DGKE: variants seen among roughly 807,000 people sequenced by gnomAD.
DGKE encodes the protein diacylglycerol kinase epsilon.
Under a neutral mutation model 70.0 loss-of-function variants are expected in DGKE, and 53 were observed. That is an observed-to-expected ratio of 0.76 (90% CI 0.61 to 0.95). The LOEUF (loss-of-function observed/expected upper bound fraction) is 0.95, where lower values mean the gene tolerates loss of function less well. Among genes scored for constraint, DGKE ranks in the 40% least tolerant of loss-of-function variants. DGKE has a pLI of 0.00. For synonymous variants in DGKE, 291 were observed against 257.0 expected (o/e 1.13, Z -1.27); for missense variants, 655 against 706.9 (o/e 0.93, Z 0.83).
At chr17:56,843,781 G>A (rs1256041466) in intron 2 of DGKE, among the ~76,000 whole-genome samples, 1 of 126,464 alleles carries the variant, frequency 7.9e-6, no homozygotes, top group Non-Finnish European at 1.6e-5. Flanking sequence ...CTGGTGGACA[G>A]AGTGAGACCC....
chr17:56,862,788 A>G lies in DGKE; in HGVS notation c.1701A>G (p.Glu567=), dbSNP rs1908373481. The G allele has an allele frequency of 1.9e-6, 3 of 1,556,278 alleles. No individual in the cohort carries two copies. Among genetic ancestry groups the G allele is most frequent in the Non-Finnish European group, 2.6e-6 (3 of 1,159,770 alleles). Residue 567 remains glutamate (E), a synonymous_variant, in exon 12 of 12, where the codon GAA becomes GAG. Transcript: ENST00000284061. ...ATCAAGAAGATATAAAGGCGACTGA[A>G]TAGATGGATGAGGGAGTGAAAACTT... is the stretch of plus-strand genomic sequence containing the variant. ...TSDQEDIKAT[E]
intron 9 of DGKE, 67 bp downstream of exon 9, chr17:56,858,732 A>G: frequency 8.5e-7 from 1 of 1,182,832 alleles, no homozygotes; most frequent in Non-Finnish European, 1.2e-6. Context: ...GACTTTTTAA[A>G]CAGAAATGCT....
At chr17:56,844,258 T>C (rs761692088) in intron 3 of DGKE, 80 bp downstream of exon 3, 2 of 946,996 alleles carry the variant, frequency 2.1e-6, no homozygotes, top group African/African-American at 1.7e-5. Flanking sequence ...TAAGACAGTA[T>C]GTAAGAAGAA....
At chr17:56,845,169 A>C (rs1231212414) in intron 3 of DGKE, among the ~76,000 whole-genome samples, 1 of 152,164 alleles carries the variant, frequency 6.6e-6, no homozygotes, top group Non-Finnish European at 1.5e-5. Flanking sequence ...GAAAAGTATT[A>C]ATTTCATTTG....
At chr17:56,843,262 A>G (rs1907092541) in intron 2 of DGKE, among the ~76,000 whole-genome samples, 1 of 152,234 alleles carries the variant, frequency 6.6e-6, no homozygotes, top group Non-Finnish European at 1.5e-5. Flanking sequence ...ATAGTTACAA[A>G]TGGTTTTTAT....
In DGKE at chr17:56,844,176, G is replaced by T; in HGVS notation, c.622G>T (p.Val208Leu). 1 of 1,501,194 alleles carries T rather than the reference G, an allele frequency of 6.7e-7. No individual in the cohort carries two copies. Among genetic ancestry groups the T allele is most frequent in the Non-Finnish European group, 8.9e-7 (1 of 1,122,004 alleles). 93.0% of individuals were successfully genotyped at this position (1,501,194 alleles called of 1,614,324 possible). A position where few individuals can be genotyped will look rare whatever the true frequency, so the allele number is the denominator to read the frequency against. The change falls in exon 3 of 12, where the codon GTG (valine) becomes TTG (leucine). Residue 208 changes from valine (V) to leucine (L), a missense_variant and splice_region_variant. By Grantham distance (32) the Val-to-Leu change is conservative (BLOSUM62 1). Transcript: ENST00000284061. Reference protein sequence around the residue: ...MRKDKKTDYEVLASKLGKQWT... With the variant: ...MRKDKKTDYELLASKLGKQWT... ...TAAAGACAAAAAAACAGATTATGAA[G>T]TGGTAATTAGAGTTTATTTCTCTAA...
intron 9 of DGKE, among the ~76,000 whole-genome samples, chr17:56,860,427 G>T (rs1304348490): frequency 1.3e-5 from 2 of 152,210 alleles, no homozygotes; most frequent in Non-Finnish European, 2.9e-5. Context: ...TGCTCAGGAG[G>T]CTGAGGGAGG....
At chr17:56,837,647 A>C (rs529828432) in intron 2 of DGKE, among the ~76,000 whole-genome samples, 1 of 152,330 alleles carries the variant, frequency 6.6e-6, no homozygotes, top group African/African-American at 2.4e-5. Flanking sequence ...ATATTTTGGA[A>C]GGAGAAACAA....
chr17:56,843,797 CAAAAAA>C (rs368992473), intron 2 of DGKE, among the ~76,000 whole-genome samples: 1 of 109,394 alleles, frequency 9.1e-6, no homozygotes, highest in Non-Finnish European at 1.8e-5. Context: ...GACCCTGTCT[CAAAAAA>C]AAAAAAAAAA....
At chr17:56,842,073 C>A (rs1483814813) in intron 2 of DGKE, among the ~76,000 whole-genome samples, 1 of 151,846 alleles carries the variant, frequency 6.6e-6, no homozygotes, top group Admixed American at 6.6e-5. Context: ...AATTGATATA[C>A]AAAAAAGTTT....
At chr17:56,856,867 G>A (rs1319955184) in intron 8 of DGKE, among the ~76,000 whole-genome samples, 2 of 152,002 alleles carry the variant, frequency 1.3e-5, no homozygotes, top group African/African-American at 4.8e-5. Context: ...GGGAGGCGGA[G>A]GCAGGTGGAT....
intron 8 of DGKE, among the ~76,000 whole-genome samples, 198 bp downstream of exon 8, chr17:56,856,823 C>CT (rs1907979396): frequency 6.6e-6 from 1 of 151,778 alleles, no homozygotes; most frequent in Non-Finnish European, 1.5e-5. Flanking sequence ...TCAGGCCAGG[C>CT]ACAGTGGCTC....
At chr17:56,845,932 G>T in intron 4 of DGKE, 123 bp downstream of exon 4, 1 of 1,100,030 alleles carries the variant, frequency 9.1e-7, no homozygotes. Flanking sequence ...AAAAAGATCA[G>T]CCATTTAAAT....
chr17:56,847,844 T>A (rs1278152203), intron 4 of DGKE, 78 bp from the exon 5 acceptor site: 2 of 1,071,766 alleles, frequency 1.9e-6, no homozygotes, highest in African/African-American at 3.2e-5. Context: ...GTATCTCTAC[T>A]CATCTAGAGG....
In DGKE at chr17:56,862,628, C is replaced by G. The variant is rs903103307; in HGVS notation, c.1541C>G (p.Ser514Cys). ...AHTVRLILKC[S>C]MMPMQVDGEP... ...TAATATCAGCTGATTTTGAAGTGCT[C>G]CATGATGCCAATGCAGGTGGATGGG... The change falls in exon 12 of 12, where the codon TCC (serine) becomes TGC (cysteine). Residue 514 changes from serine to cysteine, a missense_variant. Physicochemically the swap from Ser to Cys is moderately radical, Grantham distance 112. Transcript: ENST00000284061. 3 of 1,560,336 alleles carry G rather than the reference C, an allele frequency of 1.9e-6. No individual in the cohort carries two copies. Among genetic ancestry groups the G allele is most frequent in the South Asian group, 2.4e-5 (2 of 81,734 alleles).
At chr17:56,835,706 G>C (rs1280917780) in intron 2 of DGKE, 2 of 205,922 alleles carry the variant, frequency 9.7e-6, no homozygotes, top group Non-Finnish European at 1.9e-5. Context: ...TCATTCCAAG[G>C]CAGCACTTTT....
At chr17:56,854,353 T>G (rs752275184) in intron 7 of DGKE, among the ~76,000 whole-genome samples, 1 of 152,052 alleles carries the variant, frequency 6.6e-6, no homozygotes, top group Non-Finnish European at 1.5e-5. Context: ...CGGGGTCTCA[T>G]TTGACCATGC....
At chr17:56,834,609 C>T (rs1906441448) in intron 1 of DGKE, among the ~76,000 whole-genome samples, 169 bp from the exon 2 acceptor site, 1 of 152,078 alleles carries the variant, frequency 6.6e-6, no homozygotes. Flanking sequence ...TGGACGTCGC[C>T]TTCTCGGCGC....
intron 9 of DGKE, 142 bp from the exon 10 acceptor site, chr17:56,861,649 C>T: frequency 3.0e-6 from 3 of 999,620 alleles, no homozygotes; most frequent in Non-Finnish European, 4.4e-6. Flanking sequence ...AGATGAGAGG[C>T]CCTGAGTGAG....
Sources: gnomAD v4.1 joint callset for allele counts (sites outside exome capture counted in the v4.1 genomes callset) on GRCh38, gnomAD v4.1.1 for gene constraint, MANE v1.5 for transcripts, NCBI Gene and HGNC (gene_info 2026-07-23, HGNC 2026-07-21) for gene names.